The following PHACTR3 variants were observed in gnomAD, a reference collection of about 807,000 sequenced individuals.
The protein encoded by PHACTR3 is phosphatase and actin regulator 3, also known as protein phosphatase 1, regulatory subunit 123.
A neutral mutation model predicts 66.8 loss-of-function variants in PHACTR3; 16 were observed. That is an observed-to-expected ratio of 0.24 (90% CI 0.16 to 0.36). The LOEUF (loss-of-function observed/expected upper bound fraction) is 0.36, where lower values mean the gene tolerates loss of function less well. Ranked by LOEUF, PHACTR3 falls within the 10% of genes least tolerant of loss-of-function variation. The probability of loss-of-function intolerance (pLI) is 1.00; values close to 1 mark genes in which losing one functional copy is unlikely to be tolerated. For synonymous variants in PHACTR3, 323 were observed against 292.1 expected (o/e 1.11, Z -1.08); for missense variants, 647 against 719.9 (o/e 0.90, Z 1.16).
At chr20:59,622,054 C>T (rs116906502) in intron 1 of PHACTR3, among the ~76,000 whole-genome samples, 32 of 151,946 alleles carry the variant, frequency 2.1e-4, no homozygotes, top group Non-Finnish European at 3.1e-4. Context: ...GTGTGTATGC[C>T]TGTGTGTTTG....
At chr20:59,785,864 T>C (rs3890519) in intron 7 of PHACTR3, among the ~76,000 whole-genome samples, 129,193 of 148,874 alleles carry the variant, frequency 0.87, 56,474 homozygotes, top group Non-Finnish European at 0.95. Flanking sequence ...ATCCCCTGCT[T>C]CTGCATCCCC....
At chr20:59,691,531 A>T (rs568787371) in intron 1 of PHACTR3, among the ~76,000 whole-genome samples, 3 of 152,300 alleles carry the variant, frequency 2.0e-5, no homozygotes, top group Non-Finnish European at 4.4e-5. Context: ...CTTGCAACAA[A>T]GCCACATTGT....
intron 1 of PHACTR3, among the ~76,000 whole-genome samples, chr20:59,588,851 C>T (rs1159975256): frequency 1.3e-5 from 2 of 152,264 alleles, no homozygotes; most frequent in African/African-American, 4.8e-5. Context: ...CTCAGGGACA[C>T]TCCTCCAGCC....
At chr20:59,582,294 G>T (rs2032886093) in intron 1 of PHACTR3, among the ~76,000 whole-genome samples, 2 of 152,182 alleles carry the variant, frequency 1.3e-5, no homozygotes, top group Non-Finnish European at 1.5e-5. Context: ...GGCTTCATAG[G>T]TTCTGTCTAA....
intron 1 of PHACTR3, among the ~76,000 whole-genome samples, chr20:59,680,630 CA>C (rs1242390073): frequency 6.6e-6 from 1 of 152,160 alleles, no homozygotes; most frequent in African/African-American, 2.4e-5. Flanking sequence ...CGGCGCAACA[CA>C]AATTTGTAAA....
chr20:59,754,784 C>G (rs1421555364), intron 3 of PHACTR3, among the ~76,000 whole-genome samples: 3 of 152,246 alleles, frequency 2.0e-5, no homozygotes, highest in Non-Finnish European at 4.4e-5. Flanking sequence ...TGTGCAAGCA[C>G]TTCTCATGCC....
chr20:59,821,908 C>T (rs1212579557), intron 8 of PHACTR3, among the ~76,000 whole-genome samples: 1 of 151,682 alleles, frequency 6.6e-6, no homozygotes, highest in Non-Finnish European at 1.5e-5. Flanking sequence ...AAAGAGGAAC[C>T]CTGAGAGGCG....
chr20:59,774,341 C>A lies in PHACTR3; in HGVS notation c.1025C>A (p.Ala342Asp). The A allele has an allele frequency of 6.2e-7, 1 of 1,614,030 alleles. No individual in the cohort carries two copies. Among genetic ancestry groups the A allele is most frequent in the South Asian group, 1.1e-5 (1 of 91,042 alleles). ...GAGCGGGGCAAGGAGAGGGAGGAGG[C>A]TTGGAGCTTTGACGGGGCATTGGAG... ...SVERGKEREE[A>D]WSFDGALENK... The change falls in exon 7 of 13, where the codon GCT (alanine) becomes GAT (aspartate). Residue 342 changes from alanine to aspartate, a missense_variant. Ala to Asp is a moderately radical substitution (Grantham distance 126, BLOSUM62 -2). Coordinates refer to ENST00000371015, the MANE Select transcript of PHACTR3 (RefSeq NM_080672.5).
chr20:59,769,745 G>A (rs2040302189), intron 5 of PHACTR3, among the ~76,000 whole-genome samples: 2 of 152,352 alleles, frequency 1.3e-5, no homozygotes, highest in South Asian at 2.1e-4. Flanking sequence ...TGGTTGGATG[G>A]ATGAATGAAT....
intron 8 of PHACTR3, among the ~76,000 whole-genome samples, chr20:59,811,159 C>T (rs575812625): frequency 2.6e-5 from 4 of 152,314 alleles, no homozygotes; most frequent in South Asian, 4.1e-4. Context: ...CAGAAGCTGC[C>T]GTGCAGTGAG....
chr20:59,629,874 C>T (rs1367179632), intron 1 of PHACTR3, among the ~76,000 whole-genome samples: 1 of 152,234 alleles, frequency 6.6e-6, no homozygotes, highest in Admixed American at 6.5e-5. Flanking sequence ...GAAGGAAGCA[C>T]CCAACTCCCC....
intron 1 of PHACTR3, among the ~76,000 whole-genome samples, chr20:59,591,378 T>G (rs2033177904): frequency 6.6e-6 from 1 of 152,192 alleles, no homozygotes; most frequent in South Asian, 2.1e-4. Flanking sequence ...GCAAGGCTCC[T>G]CACTCATCTC....
chr20:59,590,190 C>G (rs1374191325), intron 1 of PHACTR3, among the ~76,000 whole-genome samples: 1 of 152,218 alleles, frequency 6.6e-6, no homozygotes, highest in Non-Finnish European at 1.5e-5. Flanking sequence ...GAAATAAGAG[C>G]TCCAATGATG....
At chr20:59,808,233 C>T (rs990403598) in intron 8 of PHACTR3, among the ~76,000 whole-genome samples, 3 of 152,232 alleles carry the variant, frequency 2.0e-5, no homozygotes, top group African/African-American at 4.8e-5. Context: ...GAGCTTGCTG[C>T]GTACCCCAGT....
chr20:59,840,488 C>T (rs1405805056), intron 10 of PHACTR3, 58 bp downstream of exon 10: 24 of 1,601,998 alleles, frequency 1.5e-5, no homozygotes, highest in East Asian at 1.3e-4. Context: ...ACAGCTGCTT[C>T]GGTAGCAGGT....
intron 4 of PHACTR3, 95 bp downstream of exon 4, chr20:59,755,459 T>A (rs2039753051): frequency 7.5e-7 from 1 of 1,325,142 alleles, no homozygotes; most frequent in African/African-American, 1.5e-5. Context: ...ACAGCCCTCG[T>A]AGAACATTGT....
intron 1 of PHACTR3, among the ~76,000 whole-genome samples, chr20:59,607,647 G>C (rs1203887523): frequency 6.6e-6 from 1 of 152,204 alleles, no homozygotes; most frequent in Non-Finnish European, 1.5e-5. Flanking sequence ...TGGGAATTGA[G>C]GGGCATCCTT....
intron 1 of PHACTR3, among the ~76,000 whole-genome samples, chr20:59,732,058 A>G (rs1479866117): frequency 6.6e-6 from 1 of 152,200 alleles, no homozygotes; most frequent in East Asian, 1.9e-4. Context: ...AAATCTAGCT[A>G]AACAACTGAA....
intron 1 of PHACTR3, among the ~76,000 whole-genome samples, chr20:59,579,735 G>A (rs1470210464): frequency 6.6e-6 from 1 of 152,206 alleles, no homozygotes; most frequent in African/African-American, 2.4e-5. Context: ...CTGCTTGGAG[G>A]ACAGGAGGGT....
Sources: gnomAD v4.1 joint callset for allele counts (sites outside exome capture counted in the v4.1 genomes callset) on GRCh38, gnomAD v4.1.1 for gene constraint, MANE v1.5 for transcripts, NCBI Gene and HGNC (gene_info 2026-07-23, HGNC 2026-07-21) for gene names.